The following XKR9 variants were observed in gnomAD, a reference collection of about 807,000 sequenced individuals.
XKR9 encodes the protein XK related 9, also known as XK-related protein 9.
XKR9 carries 32 observed loss-of-function variants against 32.0 expected under a neutral mutation model. The observed-to-expected ratio is 1.00, with a 90% confidence interval of 0.76 to 1.34. The LOEUF (loss-of-function observed/expected upper bound fraction) is 1.34, where lower values mean the gene tolerates loss of function less well. Ranked by LOEUF, XKR9 falls within the 40% of genes most tolerant of loss-of-function variation. The pLI, the probability that XKR9 is intolerant of heterozygous loss-of-function variation, is 0.00. For missense variants in XKR9, 546 were observed against 429.7 expected (o/e 1.27, Z -2.39); for synonymous variants, 168 against 143.4 (o/e 1.17, Z -1.22).
intron 3 of XKR9, among the ~76,000 whole-genome samples, chr8:70,687,862 CTAACA>C (rs1342418534): frequency 6.6e-6 from 1 of 150,892 alleles, no homozygotes; most frequent in Non-Finnish European, 1.5e-5. Flanking sequence ...GTTTTATTGT[CTAACA>C]TATGGTCCAT....
At chr8:70,785,650 A>G (rs1212046565) in intron 2 of XKR9, among the ~76,000 whole-genome samples, 1 of 149,790 alleles carries the variant, frequency 6.7e-6, no homozygotes, top group Non-Finnish European at 1.5e-5. Context: ...TTATTAGTAT[A>G]AATTTTCCTC....
At chr8:70,767,497 T>TTTC in intron 2 of XKR9, among the ~76,000 whole-genome samples, 1 of 19,766 alleles carries the variant, frequency 5.1e-5, no homozygotes, top group Non-Finnish European at 1.1e-4. Context: ...CTTTTCCTTC[T>TTTC]TTTTTTTTTT....
chr8:71,027,378 AAT>A, the XKR9 span, among the ~76,000 whole-genome samples: 10 of 147,880 alleles, frequency 6.8e-5, no homozygotes, highest in Admixed American at 2.7e-4. Flanking sequence ...TATTTTAGAT[AAT>A]ATATATAATA....
intron 1 of XKR9, chr8:70,670,431 A>G (rs1019496598): frequency 1.3e-5 from 2 of 152,238 alleles, no homozygotes; most frequent in African/African-American, 4.8e-5. Flanking sequence ...TCCTGTAGAC[A>G]GTTCCATCGA....
chr8:70,879,655 G>A, the XKR9 span, among the ~76,000 whole-genome samples: 1 of 152,164 alleles, frequency 6.6e-6, no homozygotes, highest in East Asian at 1.9e-4. Flanking sequence ...CTGAAATAGA[G>A]GTAATAATTA....
chr8:70,931,738 T>G, the XKR9 span, among the ~76,000 whole-genome samples: 1 of 152,268 alleles, frequency 6.6e-6, no homozygotes, highest in South Asian at 2.1e-4. Flanking sequence ...AGCAGGTATA[T>G]CATGTGGTGT....
chr8:70,855,462 A>C, the XKR9 span, among the ~76,000 whole-genome samples: 3 of 152,312 alleles, frequency 2.0e-5, no homozygotes, highest in Non-Finnish European at 4.4e-5. Flanking sequence ...AGCCTCCAAC[A>C]AATATGGGAC....
the XKR9 span, among the ~76,000 whole-genome samples, chr8:70,884,525 A>G: frequency 1.1e-4 from 17 of 152,300 alleles, 1 homozygote; most frequent in East Asian, 2.9e-3. Flanking sequence ...ATTTAGGTCT[A>G]TGACCCATTT....
At chr8:70,802,707 A>G in the XKR9 span, among the ~76,000 whole-genome samples, 3 of 152,342 alleles carry the variant, frequency 2.0e-5, no homozygotes, top group African/African-American at 7.2e-5. Context: ...TGCTTGTCTG[A>G]AAAGGATCTT....
the XKR9 span, among the ~76,000 whole-genome samples, chr8:70,916,815 T>A: frequency 2.6e-5 from 4 of 152,086 alleles, no homozygotes; most frequent in African/African-American, 9.6e-5. Context: ...ATTGGAGTAT[T>A]GAAGTCTTCC....
chr8:70,923,534 C>T, the XKR9 span, among the ~76,000 whole-genome samples: 9 of 152,324 alleles, frequency 5.9e-5, no homozygotes, highest in East Asian at 1.5e-3. Context: ...TGGGCCCTTC[C>T]CAGGTTCTGA....
chr8:70,919,306 G>C, the XKR9 span, among the ~76,000 whole-genome samples: 1 of 152,200 alleles, frequency 6.6e-6, no homozygotes, highest in African/African-American at 2.4e-5. Flanking sequence ...ATGCATCAGG[G>C]TTCCCAGAAT....
chr8:70,858,677 G>A, the XKR9 span, among the ~76,000 whole-genome samples: 1 of 152,058 alleles, frequency 6.6e-6, no homozygotes, highest in Non-Finnish European at 1.5e-5. Flanking sequence ...CAATGGAACA[G>A]AATAGAGAAC....
intron 2 of XKR9, among the ~76,000 whole-genome samples, chr8:70,773,450 C>T (rs1248810943): frequency 2.0e-5 from 3 of 152,188 alleles, no homozygotes; most frequent in Admixed American, 2.0e-4. Flanking sequence ...TGTCTTTTCT[C>T]TTGGCTAAGC....
chr8:70,856,951 A>G, the XKR9 span, among the ~76,000 whole-genome samples: 2 of 152,202 alleles, frequency 1.3e-5, no homozygotes, highest in East Asian at 1.9e-4. Flanking sequence ...ACATACCAGA[A>G]TATGTGGGAC....
the XKR9 span, among the ~76,000 whole-genome samples, chr8:70,813,197 A>G: frequency 2.0e-5 from 3 of 152,216 alleles, no homozygotes; most frequent in Non-Finnish European, 4.4e-5. Flanking sequence ...TGGGGAAAGG[A>G]TTCCCTATTT....
chr8:70,944,210 G>C, the XKR9 span, among the ~76,000 whole-genome samples: 1 of 152,268 alleles, frequency 6.6e-6, no homozygotes, highest in South Asian at 2.1e-4. Flanking sequence ...TGAGGAGGGA[G>C]CTATTTTGTA....
At chr8:70,738,148 C>T (rs1335484465), downstream of XKR9, among the ~76,000 whole-genome samples, 5 of 132,808 alleles carry the variant, frequency 3.8e-5, no homozygotes, top group Non-Finnish European at 8.7e-5. Flanking sequence ...AATTTCAGAT[C>T]CTGTTATTGG....
At chr8:71,041,601 A>G in the XKR9 span, among the ~76,000 whole-genome samples, 1 of 152,084 alleles carries the variant, frequency 6.6e-6, no homozygotes, top group Non-Finnish European at 1.5e-5. Flanking sequence ...TGTAATCCCC[A>G]CATGTGGAGG....
Sources: gnomAD v4.1 joint callset for allele counts (sites outside exome capture counted in the v4.1 genomes callset) on GRCh38, gnomAD v4.1.1 for gene constraint, MANE v1.5 for transcripts, NCBI Gene and HGNC (gene_info 2026-07-23, HGNC 2026-07-21) for gene names.